GRM7: variants seen among roughly 807,000 people sequenced by gnomAD.
The protein encoded by GRM7 is metabotropic glutamate receptor 7.
In GRM7, 35 loss-of-function variants were observed where a neutral mutation model predicts 84.5. The observed-to-expected ratio is 0.41, with a 90% CI of 0.32 to 0.55. The LOEUF (loss-of-function observed/expected upper bound fraction) is 0.55, where lower values mean the gene tolerates loss of function less well. Among genes scored for constraint, GRM7 ranks in the 20% least tolerant of loss-of-function variants. GRM7 has a pLI of 0.19. For missense variants in GRM7, 1,003 were observed against 1,194.6 expected, an observed-to-expected ratio of 0.84 and a Z score of 2.36; for synonymous variants, 487 against 455.1, an observed-to-expected ratio of 1.07 and a Z score of -0.89.
chr3:7,474,343 C>T (rs1363924392), intron 7 of GRM7, among the ~76,000 whole-genome samples: 1 of 152,028 alleles, frequency 6.6e-6, no homozygotes, highest in East Asian at 1.9e-4. Flanking sequence ...TATACCCTGT[C>T]CTCTCAAGTA....
At chr3:7,330,596 T>C (rs112875589) in intron 4 of GRM7, among the ~76,000 whole-genome samples, 2,953 of 152,296 alleles carry the variant, frequency 0.019, 106 homozygotes, top group African/African-American at 0.068. Flanking sequence ...AGTGAATAAG[T>C]CTCAGAAGAT....
chr3:6,949,623 T>C (rs1692634602), intron 1 of GRM7, among the ~76,000 whole-genome samples: 1 of 151,832 alleles, frequency 6.6e-6, no homozygotes, highest in Non-Finnish European at 1.5e-5. Context: ...ATTGGGGAAG[T>C]TCTCCTGGAT....
At chr3:7,390,252 G>T (rs945991890) in intron 4 of GRM7, among the ~76,000 whole-genome samples, 11 of 152,014 alleles carry the variant, frequency 7.2e-5, no homozygotes, top group African/African-American at 2.7e-4. Flanking sequence ...ATGTTTATAG[G>T]TAACATGACC....
intron 6 of GRM7, among the ~76,000 whole-genome samples, chr3:7,458,324 G>A (rs1305570302): frequency 1.3e-5 from 2 of 152,122 alleles, no homozygotes; most frequent in Non-Finnish European, 2.9e-5. Flanking sequence ...TCTCTGTGGG[G>A]AATCATTTCC....
intron 2 of GRM7, among the ~76,000 whole-genome samples, chr3:7,260,615 G>A (rs1263608099): frequency 6.6e-6 from 1 of 150,844 alleles, no homozygotes; most frequent in African/African-American, 2.4e-5. Flanking sequence ...AGTCTAGCTA[G>A]TGGTCTATTT....
intron 4 of GRM7, among the ~76,000 whole-genome samples, chr3:7,398,243 C>A (rs1191180457): frequency 1.3e-5 from 2 of 152,122 alleles, no homozygotes; most frequent in Non-Finnish European, 2.9e-5. Context: ...TCACTGACGG[C>A]CTACTATGTG....
intron 2 of GRM7, among the ~76,000 whole-genome samples, chr3:7,261,294 A>G (rs61133150): frequency 0.012 from 1,889 of 152,154 alleles, 44 homozygotes; most frequent in African/African-American, 0.044. Flanking sequence ...CAGGTTATTT[A>G]ATTTCCATGT....
At chr3:7,570,860 G>C (rs987869057) in intron 7 of GRM7, among the ~76,000 whole-genome samples, 12 of 152,218 alleles carry the variant, frequency 7.9e-5, no homozygotes, top group Non-Finnish European at 1.6e-4. Context: ...GGACATCCAG[G>C]AGTTTCCATA....
chr3:6,924,505 G>C (rs1411941800), intron 1 of GRM7, among the ~76,000 whole-genome samples: 3 of 152,036 alleles, frequency 2.0e-5, no homozygotes, highest in Non-Finnish European at 4.4e-5. Flanking sequence ...CCAAGACATT[G>C]GTATATTTTA....
intron 7 of GRM7, among the ~76,000 whole-genome samples, chr3:7,505,844 A>G (rs1575427835): frequency 6.6e-6 from 1 of 152,164 alleles, no homozygotes; most frequent in East Asian, 1.9e-4. Context: ...AAAGATCTCT[A>G]AAATGTCTTC....
At chr3:7,429,525 A>G (rs1314811244) in intron 5 of GRM7, among the ~76,000 whole-genome samples, 10 of 152,170 alleles carry the variant, frequency 6.6e-5, no homozygotes, top group Non-Finnish European at 1.5e-4. Flanking sequence ...CTTTTTTATG[A>G]GATGCACTTG....
intron 2 of GRM7, among the ~76,000 whole-genome samples, chr3:7,275,181 T>C (rs1278590689): frequency 1.3e-5 from 2 of 152,200 alleles, no homozygotes; most frequent in Non-Finnish European, 2.9e-5. Context: ...TACCCATCTG[T>C]TATATATGCT....
intron 1 of GRM7, among the ~76,000 whole-genome samples, chr3:6,956,214 A>G (rs1427011767): frequency 3.3e-5 from 5 of 152,182 alleles, no homozygotes; most frequent in Admixed American, 6.5e-5. Flanking sequence ...CGTATGGGCC[A>G]ACTCTCATGC....
chr3:7,407,002 G>GTAGAAAGGCAAGAGAT, intron 4 of GRM7, among the ~76,000 whole-genome samples: 2 of 152,308 alleles, frequency 1.3e-5, no homozygotes, highest in Non-Finnish European at 2.9e-5. Context: ...AGGAGGAAGG[G>GTAGAAAGGCAAGAGAT]TAGAAAGGCA....
At chr3:7,284,285 C>CGTGTGTGTGTGTGTGT (rs138776968) in intron 2 of GRM7, among the ~76,000 whole-genome samples, 4 of 131,052 alleles carry the variant, frequency 3.1e-5, no homozygotes, top group African/African-American at 1.0e-4. Flanking sequence ...CATGCTCACT[C>CGTGTGTGTGTGTGTGT]GTGTGTGTGT....
rs187746835 is a variant in GRM7 at position 7,452,348 on chromosome 3, C to A, written c.1175-259C>A. On this transcript the variant is annotated intron_variant, in intron 5 of 9. Transcript: ENST00000357716. Reference sequence around the variant, plus strand: ...TCAAAGATCCTTTTATTCTAAGGGACCACTATATTTTGAATAGTATGTAAG... The same window carrying A: ...TCAAAGATCCTTTTATTCTAAGGGAACACTATATTTTGAATAGTATGTAAG... 2.5e-3 allele frequency among the ~76,000 whole-genome samples: 383 copies of A among 152,190 alleles called. 1 individual carries two copies. The highest frequency in any genetic ancestry group is 3.8e-3 in the Non-Finnish European group (260 of 68,000).
intron 9 of GRM7, among the ~76,000 whole-genome samples, chr3:7,724,001 C>T (rs747879887): frequency 6.6e-6 from 1 of 152,098 alleles, no homozygotes; most frequent in East Asian, 1.9e-4. Context: ...TTCAAAGCAA[C>T]GGACTGGCAG....
chr3:7,522,392 G>C (rs1575447512), intron 7 of GRM7, among the ~76,000 whole-genome samples: 2 of 152,108 alleles, frequency 1.3e-5, no homozygotes, highest in East Asian at 1.9e-4. Context: ...AACTTGAGAT[G>C]TTCCTTTGTA....
chr3:6,960,906 C>A (rs1451303750), intron 1 of GRM7, among the ~76,000 whole-genome samples: 2 of 152,142 alleles, frequency 1.3e-5, no homozygotes, highest in African/African-American at 4.8e-5. Context: ...AAAACACAGG[C>A]CAACAAAATG....
Sources: gnomAD v4.1 joint callset for allele counts (sites outside exome capture counted in the v4.1 genomes callset) on GRCh38, gnomAD v4.1.1 for gene constraint, MANE v1.5 for transcripts, NCBI Gene and HGNC (gene_info 2026-07-23, HGNC 2026-07-21) for gene names.